The following SLC47A1 variants were observed in gnomAD, a reference collection of about 807,000 sequenced individuals.
The protein encoded by SLC47A1 is solute carrier family 47 member 1, also known as multidrug and toxin extrusion protein 1.
Under a neutral mutation model 65.8 loss-of-function variants are expected in SLC47A1, and 58 were observed. The ratio of observed to expected loss-of-function variants is 0.88; its 90% confidence interval spans 0.71 to 1.10. The LOEUF (loss-of-function observed/expected upper bound fraction) is 1.10, where lower values mean the gene tolerates loss of function less well. Ranked by LOEUF, SLC47A1 falls within the 50% of genes least tolerant of loss-of-function variation. SLC47A1 has a pLI of 0.00. For missense variants in SLC47A1, 706 were observed against 719.2 expected (o/e 0.98, Z 0.21); for synonymous variants, 285 against 295.0 (o/e 0.97, Z 0.35).
intron 10 of SLC47A1, chr17:19,557,540 T>C (rs1388717881): frequency 1.9e-6 from 1 of 515,198 alleles, no homozygotes; most frequent in Non-Finnish European, 3.9e-6. Context: ...TGATTATTTC[T>C]TTAAGATTCA....
At chr17:19,567,575 A>G (rs1474604710) in intron 14 of SLC47A1, 1 of 300,518 alleles carries the variant, frequency 3.3e-6, no homozygotes, top group Non-Finnish European at 6.4e-6. Flanking sequence ...ATTTGGAAGC[A>G]TCCCCTTAGT....
chr17:19,545,326 C>A (rs1916257559), intron 2 of SLC47A1, among the ~76,000 whole-genome samples: 1 of 151,684 alleles, frequency 6.6e-6, no homozygotes, highest in Non-Finnish European at 1.5e-5. Context: ...TCCTGAGTAG[C>A]TGGGAATACA....
intron 15 of SLC47A1, 48 bp from the exon 16 acceptor site, chr17:19,572,732 C>T: frequency 6.4e-7 from 1 of 1,563,490 alleles, no homozygotes; most frequent in Non-Finnish European, 8.8e-7. Context: ...AGTAAAATAC[C>T]ATATTAACAC....
At chr17:19,545,925 T>A (rs1916278410) in intron 2 of SLC47A1, among the ~76,000 whole-genome samples, 1 of 152,090 alleles carries the variant, frequency 6.6e-6, no homozygotes, top group Non-Finnish European at 1.5e-5. Flanking sequence ...GCAGCCTGAT[T>A]AATACTATAG....
intron 1 of SLC47A1, among the ~76,000 whole-genome samples, chr17:19,538,281 A>C (rs1916048219): frequency 6.6e-6 from 1 of 152,206 alleles, no homozygotes; most frequent in African/African-American, 2.4e-5. Flanking sequence ...GGATGCAAAA[A>C]CACAAAACAA....
At chr17:19,536,175 T>C (rs1915982327) in intron 1 of SLC47A1, among the ~76,000 whole-genome samples, 1 of 151,890 alleles carries the variant, frequency 6.6e-6, no homozygotes, top group African/African-American at 2.4e-5. Context: ...AAAGCAATCC[T>C]CCTGCCTCGG....
chr17:19,576,075 G>A (rs774588320), intron 16 of SLC47A1, among the ~76,000 whole-genome samples: 9 of 151,816 alleles, frequency 5.9e-5, no homozygotes, highest in Non-Finnish European at 8.8e-5. Context: ...GTTCCCTTTG[G>A]AAGTTGAATG....
intron 5 of SLC47A1, 70 bp downstream of exon 5, chr17:19,549,747 AG>A: frequency 6.6e-7 from 1 of 1,513,746 alleles, no homozygotes; most frequent in Non-Finnish European, 9.2e-7. Flanking sequence ...CATATCTGTG[AG>A]CTCAGTGTAT....
intron 12 of SLC47A1, among the ~76,000 whole-genome samples, chr17:19,560,795 CTT>C: frequency 6.6e-6 from 1 of 151,300 alleles, no homozygotes; most frequent in South Asian, 2.1e-4. Context: ...TGGAGAATCT[CTT>C]GAGCCCAGGA....
Position 19,555,692 on chromosome 17 carries a change from T to G in SLC47A1, c.739+2T>G. On this transcript the variant is annotated splice_donor_variant, in intron 8 of 16. Transcript: ENST00000270570. LOFTEE classifies it high-confidence loss of function. The stretch of plus-strand genomic sequence containing the variant: ...AACTGCATCAAGCTACATGGGGAGG[T>G]AATGACTGCCCTTTTGTCTTCCAAC... 2 of 1,613,940 alleles carry G rather than the reference T, an allele frequency of 1.2e-6. No individual in the cohort carries two copies. The highest frequency in any genetic ancestry group is 1.7e-6 in the Non-Finnish European group (2 of 1,179,936).
chr17:19,539,722 G>A (rs1387299019), intron 1 of SLC47A1, among the ~76,000 whole-genome samples: 2 of 152,126 alleles, frequency 1.3e-5, no homozygotes, highest in African/African-American at 2.4e-5. Flanking sequence ...CTGACCTCAG[G>A]TGATCTACCT....
chr17:19,564,901 A>T (rs1447196348), intron 12 of SLC47A1, among the ~76,000 whole-genome samples: 2 of 152,038 alleles, frequency 1.3e-5, no homozygotes, highest in Non-Finnish European at 2.9e-5. Context: ...GTATTTTTAG[A>T]AGAGATGGGA....
chr17:19,555,095 C>A, intron 6 of SLC47A1, 117 bp from the exon 7 acceptor site: 1 of 872,918 alleles, frequency 1.1e-6, no homozygotes, highest in Non-Finnish European at 1.9e-6. Flanking sequence ...TTAAGCCCCC[C>A]AGCTATGCCT....
rs896546039 is a variant in SLC47A1 at position 19,546,425 on chromosome 17, T to G, written c.238-10T>G. On this transcript the variant is annotated splice_polypyrimidine_tract_variant and intron_variant, in intron 2 of 16. Coordinates refer to ENST00000270570, the MANE Select transcript of SLC47A1 (RefSeq NM_018242.3). ...ACTCTATAGGGCCTTATCTTTGGGT[T>G]TATTTGCAGGTTATCAATGTCACTG... is the stretch of plus-strand genomic sequence containing the variant. 1 of 1,613,718 alleles carries G rather than the reference T, an allele frequency of 6.2e-7. No individual in the cohort carries two copies.
chr17:19,547,716 C>CTTTTTTTT (rs1180263887), intron 3 of SLC47A1, among the ~76,000 whole-genome samples: 1 of 68,588 alleles, frequency 1.5e-5, no homozygotes. Context: ...CCATGGGCTT[C>CTTTTTTTT]TTTTTTTTTT....
At chr17:19,542,339 G>A (rs954080051) in intron 1 of SLC47A1, 54 bp from the exon 2 acceptor site, 6 of 1,407,958 alleles carry the variant, frequency 4.3e-6, no homozygotes, top group Non-Finnish European at 5.7e-6. Context: ...GGGGCCCCAG[G>A]CTTCCCTGCA....
At chr17:19,569,349 C>T (rs538966543) in intron 14 of SLC47A1, among the ~76,000 whole-genome samples, 8 of 148,264 alleles carry the variant, frequency 5.4e-5, no homozygotes, top group East Asian at 4.1e-4. Flanking sequence ...CCAGCCTGGG[C>T]GACAGAGTGA....
intron 1 of SLC47A1, among the ~76,000 whole-genome samples, chr17:19,536,280 T>TAATAATAAC (rs1373233153): frequency 6.6e-6 from 1 of 151,340 alleles, no homozygotes; most frequent in Non-Finnish European, 1.5e-5. Context: ...ATAATAATAA[T>TAATAATAAC]AACAGGGCAG....
chr17:19,555,514 T>A lies in SLC47A1; in HGVS notation c.642-79T>A, dbSNP rs868123782. The A allele has an allele frequency of 2.8e-6, 4 of 1,444,584 alleles. No homozygotes were observed. In the East Asian group the frequency reaches 9.1e-5, roughly 33 times the overall value. 89.5% of individuals were successfully genotyped at this position (1,444,584 alleles called of 1,614,324 possible). Reference sequence around the variant, plus strand: ...CTGCTGAGGACAGCACGGGAAGGGATGAGTCTCCCCTCCTCACTGAGTTGG... The same window carrying A: ...CTGCTGAGGACAGCACGGGAAGGGAAGAGTCTCCCCTCCTCACTGAGTTGG... On this transcript the variant is annotated intron_variant, in intron 7 of 16. Transcript: ENST00000270570.
Sources: gnomAD v4.1 joint callset for allele counts (sites outside exome capture counted in the v4.1 genomes callset) on GRCh38, gnomAD v4.1.1 for gene constraint, MANE v1.5 for transcripts, NCBI Gene and HGNC (gene_info 2026-07-23, HGNC 2026-07-21) for gene names.